CAPN8: variants seen among roughly 807,000 people sequenced by gnomAD.
CAPN8 encodes the protein calpain-8.
CAPN8 carries 87 observed loss-of-function variants against 80.9 expected under a neutral mutation model. The ratio of observed to expected loss-of-function variants is 1.07; its 90% CI spans 0.90 to 1.28. The LOEUF (loss-of-function observed/expected upper bound fraction) is 1.28. CAPN8 is among the 50% of genes most tolerant of loss of function. The probability of loss-of-function intolerance (pLI) is 0.00; values close to 1 mark genes in which losing one functional copy is unlikely to be tolerated. For synonymous variants in CAPN8, 299 were observed against 273.8 expected, an observed-to-expected ratio of 1.09 and a Z score of -0.91; for missense variants, 757 against 702.0, an observed-to-expected ratio of 1.08 and a Z score of -0.89.
At chr1:223,640,029 C>T (rs1002477980) in intron 2 of CAPN8, among the ~76,000 whole-genome samples, 3 of 152,050 alleles carry the variant, frequency 2.0e-5, no homozygotes, top group African/African-American at 7.2e-5. Flanking sequence ...GGGAAGAGTC[C>T]CTCCTCCTGT....
rs1657047007 is a variant in CAPN8, at chr1:223,612,243, T to C, written c.1323+3A>G. On this transcript the variant is annotated splice_donor_region_variant and intron_variant, in intron 11 of 20. Coordinates refer to ENST00000366872, the MANE Select transcript of CAPN8 (RefSeq NM_001143962.2). Reference sequence around the variant, plus strand: ...GAAGGAATCTCTGTCAGCACTCACATACCTCCTTGGGAACCTGTGGGGCAG... The same window carrying C: ...GAAGGAATCTCTGTCAGCACTCACACACCTCCTTGGGAACCTGTGGGGCAG... 1 of 1,234,110 alleles carries C rather than the reference T, an allele frequency of 8.1e-7. No individual in the cohort carries two copies. Among genetic ancestry groups the C allele is most frequent in the South Asian group, 4.1e-5 (1 of 24,408 alleles). The allele number at this position is 1,234,110 out of a possible 1,614,324, so 76.4% of individuals were successfully genotyped here.
intron 2 of CAPN8, among the ~76,000 whole-genome samples, chr1:223,647,777 A>G (rs1016451865): frequency 6.6e-6 from 1 of 152,236 alleles, no homozygotes; most frequent in Non-Finnish European, 1.5e-5. Flanking sequence ...TTATCAAAAT[A>G]TGTTTTTTAA....
chr1:223,655,772 G>C (rs544103902), intron 1 of CAPN8, among the ~76,000 whole-genome samples: 2 of 152,146 alleles, frequency 1.3e-5, no homozygotes, highest in African/African-American at 4.8e-5. Flanking sequence ...AGCAGTCTAC[G>C]TACTGGTTCC....
intron 4 of CAPN8, 144 bp downstream of exon 4, chr1:223,627,865 C>G: frequency 1.1e-6 from 1 of 914,624 alleles, no homozygotes; most frequent in Non-Finnish European, 1.6e-6. Flanking sequence ...GAAAAATGCT[C>G]TCTCTCCGGC....
chr1:223,646,742 A>T (rs1325260762), intron 2 of CAPN8, among the ~76,000 whole-genome samples: 2 of 152,216 alleles, frequency 1.3e-5, no homozygotes, highest in African/African-American at 4.8e-5. Flanking sequence ...CCAGTCTGTG[A>T]TAGAGAAATT....
intron 9 of CAPN8, chr1:223,617,560 G>C (rs1335689972): frequency 6.6e-6 from 1 of 152,184 alleles, no homozygotes; most frequent in Non-Finnish European, 1.5e-5. Flanking sequence ...CTCCCAAAAT[G>C]ATCCATGCAA....
intron 9 of CAPN8, chr1:223,617,436 C>T (rs1657230630): frequency 6.6e-6 from 1 of 152,168 alleles, no homozygotes; most frequent in African/African-American, 2.4e-5. Context: ...CCTATACTTC[C>T]ATCACTACCA....
chr1:223,618,612 G>C (rs1330590839), intron 9 of CAPN8, among the ~76,000 whole-genome samples: 5 of 152,236 alleles, frequency 3.3e-5, no homozygotes, highest in Non-Finnish European at 1.5e-5. Context: ...TAGCCAGCTG[G>C]GTGTGGGGAG....
chr1:223,626,003 GGGT>G, intron 5 of CAPN8, 115 bp from the exon 6 acceptor site: 1 of 751,100 alleles, frequency 1.3e-6, no homozygotes, highest in Non-Finnish European at 2.3e-6. Context: ...GTGGGACTAG[GGGT>G]GTAGGCATGG....
At chr1:223,627,548 A>C (rs1259754669) in intron 4 of CAPN8, among the ~76,000 whole-genome samples, 1 of 152,250 alleles carries the variant, frequency 6.6e-6, no homozygotes, top group Non-Finnish European at 1.5e-5. Flanking sequence ...GTTGCAGAAA[A>C]GGGTATCAGT....
chr1:223,641,595 A>G (rs554238629), intron 2 of CAPN8, among the ~76,000 whole-genome samples: 50 of 152,288 alleles, frequency 3.3e-4, no homozygotes, highest in African/African-American at 1.2e-3. Context: ...TTCTTCACAC[A>G]GTGCCAGAGC....
At chr1:223,613,417 C>T (rs2102699078) in intron 10 of CAPN8, among the ~76,000 whole-genome samples, 1 of 152,372 alleles carries the variant, frequency 6.6e-6, no homozygotes, top group African/African-American at 2.4e-5. Context: ...CTTGCCCAAC[C>T]ACATGGGCCG....
chr1:223,653,066 G>T (rs999331648), intron 2 of CAPN8, among the ~76,000 whole-genome samples: 1 of 151,770 alleles, frequency 6.6e-6, no homozygotes, highest in African/African-American at 2.4e-5. Context: ...CGCCTTCGAA[G>T]TTGTGTGTCC....
Position 223,629,197 on chromosome 1 carries a change from AGTGTGTGTGT to A in CAPN8, c.308-427_308-418del, listed in dbSNP as rs113967295. On this transcript the variant is annotated intron_variant, in intron 2 of 20. Coordinates refer to ENST00000366872, the MANE Select transcript of CAPN8 (RefSeq NM_001143962.2). ...CCAATCTATGATGTGTACGTGTAAGAGTGTGTGTGTGTGTGTGTGTGTGTGTGTGTGTGTT... is the reference window on the plus strand; with the variant it reads ...CCAATCTATGATGTGTACGTGTAAGAGTGTGTGTGTGTGTGTGTGTGTGTT... Among the ~76,000 whole-genome samples, 3 of 95,312 alleles carry A rather than the reference AGTGTGTGTGT, an allele frequency of 3.1e-5. No individual in the cohort carries two copies. In the East Asian group the frequency reaches 8.1e-4, roughly 26 times the overall value. The allele number at this position is 95,312 out of a possible 152,430, so 62.5% of individuals were successfully genotyped here.
At position 223,619,372 on chromosome 1, in the gene CAPN8, C is replaced by T. The variant is rs1299557271; in HGVS notation, c.1056G>A (p.Glu352=). The T allele has an allele frequency of 1.3e-6, 2 of 1,551,574 alleles. No individual in the cohort carries two copies. Among genetic ancestry groups the T allele is most frequent in the African/African-American group, 1.4e-5 (1 of 73,026 alleles). The change falls in exon 9 of 21, where the codon GAG becomes GAA. Residue 352 remains glutamate (E), a synonymous_variant. Coordinates refer to ENST00000366872, the MANE Select transcript of CAPN8 (RefSeq NM_001143962.2). ...ACAGGACCAGGTTCCATTTGTGCAC[C>T]TCCTCGCTACTCAGAGAGTCCGGGG... is the stretch of plus-strand genomic sequence containing the variant. The part of the protein sequence containing the change: ...NLSPDSLSSE[E]VHKWNLVLFN...
At chr1:223,549,018 G>A (rs372194998) in intron 16 of CAPN8, among the ~76,000 whole-genome samples, 17 of 151,988 alleles carry the variant, frequency 1.1e-4, no homozygotes, top group South Asian at 2.1e-4. Flanking sequence ...GAGCAGGTGC[G>A]CAAATGCCCC....
In CAPN8 at chr1:223,629,142, T is replaced by A. The variant is rs74822727; in HGVS notation, c.308-362A>T. Among the ~76,000 whole-genome samples, 26 of 151,860 alleles carry A rather than the reference T, an allele frequency of 1.7e-4. 1 individual carries two copies. In the East Asian group the frequency reaches 5.1e-3, roughly 30 times the overall value. On this transcript the variant is annotated intron_variant, in intron 2 of 20. Transcript: ENST00000366872. ...TCCCTTATTAGCAGCTCTGATTAAG[T>A]TGGTTGAGGGAAACATTGAAGCTGT...
chr1:223,634,673 G>C (rs1296569425), intron 2 of CAPN8, among the ~76,000 whole-genome samples: 1 of 152,216 alleles, frequency 6.6e-6, no homozygotes, highest in Non-Finnish European at 1.5e-5. Context: ...ATAAATGGCT[G>C]TCTTCCAGTT....
chr1:223,544,882 C>T (rs889560070), intron 17 of CAPN8, 32 bp from the exon 18 acceptor site: 3 of 1,551,150 alleles, frequency 1.9e-6, no homozygotes, highest in Non-Finnish European at 2.6e-6. Flanking sequence ...AAGTAGAAAA[C>T]AACCATTCAC....
Sources: allele counts gnomAD v4.1 joint callset (sites outside exome capture counted in the v4.1 genomes callset), GRCh38; gene constraint gnomAD v4.1.1; transcripts MANE v1.5; gene names NCBI Gene and HGNC (gene_info 2026-07-23, HGNC 2026-07-21).